The following TCF7L1 variants were observed in gnomAD, a reference collection of about 807,000 sequenced individuals.
The protein encoded by TCF7L1 is transcription factor 7-like 1.
A neutral mutation model predicts 63.7 loss-of-function variants in TCF7L1; 18 were observed. The observed-to-expected ratio is 0.28, with a 90% CI of 0.20 to 0.42. TCF7L1 has a LOEUF of 0.42. Ranked by LOEUF, TCF7L1 falls within the 10% of genes least tolerant of loss-of-function variation. The pLI is 1.00. For missense variants in TCF7L1, 654 were observed against 779.3 expected (o/e 0.84, Z 1.91); for synonymous variants, 355 against 340.9 (o/e 1.04, Z -0.46).
At chr2:85,230,335 A>G (rs990619443) in intron 3 of TCF7L1, among the ~76,000 whole-genome samples, 8 of 152,212 alleles carry the variant, frequency 5.3e-5, no homozygotes, top group Middle Eastern at 3.4e-3. Context: ...GTAAAAGGCT[A>G]GAAACATCTT....
intron 3 of TCF7L1, among the ~76,000 whole-genome samples, chr2:85,218,446 G>A (rs1679759878): frequency 6.6e-6 from 1 of 151,976 alleles, no homozygotes; most frequent in Admixed American, 6.6e-5. Flanking sequence ...TGAAGAGATG[G>A]GGTTTCACCA....
intron 3 of TCF7L1, among the ~76,000 whole-genome samples, chr2:85,135,781 G>A (rs576935484): frequency 8.2e-5 from 11 of 134,468 alleles, no homozygotes; most frequent in African/African-American, 2.7e-4. Flanking sequence ...TTTGCCCCGA[G>A]AGGGAGGGAG....
intron 3 of TCF7L1, among the ~76,000 whole-genome samples, chr2:85,245,110 A>G (rs769280891): frequency 1.1e-4 from 16 of 152,218 alleles, no homozygotes; most frequent in Non-Finnish European, 1.5e-4. Context: ...AGAATCTGGT[A>G]TCAAGACAGA....
In TCF7L1 at chr2:85,306,114, CCAGAGA is replaced by C. The variant is rs1682102634; in HGVS notation, c.990-89_990-84del. On this transcript the variant is annotated intron_variant, in intron 8 of 11. Transcript: ENST00000282111. The surrounding 1 kb of genome is among the most constrained non-coding windows in gnomAD (Gnocchi z 4.3). ...GCATCCAGGCAGCCCGCGCCCCTCCCCAGAGACAATCAGCGGTGTTTCAGTGACAGG... is the reference window on the plus strand; with the variant it reads ...GCATCCAGGCAGCCCGCGCCCCTCCCCAATCAGCGGTGTTTCAGTGACAGG... 3.2e-6 allele frequency: 5 copies of C among 1,539,828 alleles called. No individual in the cohort carries two copies. The highest frequency in any genetic ancestry group is 4.4e-6 in the Non-Finnish European group (5 of 1,127,456).
At chr2:85,158,295 A>G (rs1404821792) in intron 3 of TCF7L1, among the ~76,000 whole-genome samples, 1 of 152,196 alleles carries the variant, frequency 6.6e-6, no homozygotes, top group African/African-American at 2.4e-5. Flanking sequence ...ATGGCACTTT[A>G]GAACATAGGA....
intron 3 of TCF7L1, among the ~76,000 whole-genome samples, chr2:85,153,073 A>T (rs933243459): frequency 1.2e-4 from 19 of 152,236 alleles, no homozygotes; most frequent in African/African-American, 4.6e-4. Context: ...TTGGTCACCT[A>T]TGTGATTACA....
chr2:85,159,846 C>G (rs1341733570), intron 3 of TCF7L1, among the ~76,000 whole-genome samples: 1 of 152,210 alleles, frequency 6.6e-6, no homozygotes, highest in Admixed American at 6.5e-5. Context: ...CTGGCTTTCT[C>G]GTGTGCCAGG....
chr2:85,187,220 A>G (rs912227769), intron 3 of TCF7L1: 1 of 152,160 alleles, frequency 6.6e-6, no homozygotes, highest in Admixed American at 6.5e-5. Flanking sequence ...AGAAGACCTG[A>G]TACTCTGATT....
At chr2:85,293,277 C>G (rs1270665243) in intron 4 of TCF7L1, among the ~76,000 whole-genome samples, 1 of 152,166 alleles carries the variant, frequency 6.6e-6, no homozygotes, top group Non-Finnish European at 1.5e-5. Context: ...GGGAGTGGTC[C>G]TTCATGAATG....
chr2:85,187,016 C>T (rs976893134), intron 3 of TCF7L1, among the ~76,000 whole-genome samples: 3 of 152,134 alleles, frequency 2.0e-5, no homozygotes, highest in East Asian at 1.9e-4. Flanking sequence ...GAACATACTC[C>T]GTCCCCTGCC....
At chr2:85,168,355 A>G (rs952931544) in intron 3 of TCF7L1, among the ~76,000 whole-genome samples, 1 of 152,182 alleles carries the variant, frequency 6.6e-6, no homozygotes, top group African/African-American at 2.4e-5. Context: ...TTTTTGGTAT[A>G]TCAATCATAC....
chr2:85,199,237 A>T (rs555312529), intron 3 of TCF7L1, among the ~76,000 whole-genome samples: 47 of 152,316 alleles, frequency 3.1e-4, no homozygotes, highest in Non-Finnish European at 5.9e-4. Context: ...CCCAGCTCAC[A>T]ATGGTGATCT....
chr2:85,212,899 T>A (rs1330064817), intron 3 of TCF7L1, among the ~76,000 whole-genome samples: 1 of 152,056 alleles, frequency 6.6e-6, no homozygotes, highest in Non-Finnish European at 1.5e-5. Flanking sequence ...GACCCTTCTG[T>A]GTCATTACGG....
Position 85,133,989 on chromosome 2 carries a change from GC to G in TCF7L1, c.250-26del. On this transcript the variant is annotated intron_variant, in intron 1 of 11. Transcript: ENST00000282111. This position sits in a 1 kb window ranked among gnomAD's most constrained non-coding sequence, Gnocchi z 4.4. ...ATCCCGGCCCTGCGTCCGCTCACCC[GC>G]TCTTGCCTTTGTGTCTCCTCCGCAG... 4.4e-6 allele frequency: 7 copies of G among 1,605,914 alleles called. No individual in the cohort carries two copies. In the South Asian group the frequency reaches 7.8e-5, roughly 18 times the overall value.
At chr2:85,190,549 A>G (rs1679020111) in intron 3 of TCF7L1, among the ~76,000 whole-genome samples, 1 of 152,164 alleles carries the variant, frequency 6.6e-6, no homozygotes, top group Non-Finnish European at 1.5e-5. Flanking sequence ...ACCATATGGC[A>G]GCCAACACCC....
chr2:85,227,950 C>T (rs1221608714), intron 3 of TCF7L1, among the ~76,000 whole-genome samples: 2 of 143,948 alleles, frequency 1.4e-5, no homozygotes, highest in Non-Finnish European at 3.0e-5. Context: ...TATGATCTCC[C>T]TACTGCACTC....
chr2:85,189,125 T>TC (rs1012051146), intron 3 of TCF7L1, among the ~76,000 whole-genome samples: 1 of 151,932 alleles, frequency 6.6e-6, no homozygotes, highest in Non-Finnish European at 1.5e-5. Flanking sequence ...AGGCTGCCCT[T>TC]CCCCCCGAAG....
At chr2:85,244,361 C>G (rs533014367) in intron 3 of TCF7L1, among the ~76,000 whole-genome samples, 2 of 152,202 alleles carry the variant, frequency 1.3e-5, no homozygotes. Flanking sequence ...AATCATAGAC[C>G]GAAGGGGTCA....
chr2:85,301,207 C>T (rs1386876411), intron 4 of TCF7L1, among the ~76,000 whole-genome samples: 1 of 152,202 alleles, frequency 6.6e-6, no homozygotes, highest in East Asian at 1.9e-4. Context: ...CTGGGAGAGA[C>T]AGGTTGTACA....
Sources: gnomAD v4.1 joint callset for allele counts (sites outside exome capture counted in the v4.1 genomes callset) on GRCh38, gnomAD v4.1.1 for gene constraint, Gnocchi (gnomAD v3.1) non-coding constraint, MANE v1.5 for transcripts, NCBI Gene and HGNC (gene_info 2026-07-23, HGNC 2026-07-21) for gene names.